The following LARP4B variants were observed in gnomAD, a reference collection of about 807,000 sequenced individuals.
LARP4B encodes the protein La ribonucleoprotein 4B.
In LARP4B, 12 loss-of-function variants were observed where a neutral mutation model predicts 89.8. The ratio of observed to expected loss-of-function variants is 0.13; its 90% CI spans 0.09 to 0.22. LARP4B has a LOEUF of 0.22. Among genes scored for constraint, LARP4B ranks in the 10% least tolerant of loss-of-function variants. The pLI is 1.00. For missense variants in LARP4B, 757 were observed against 947.7 expected, an observed-to-expected ratio of 0.80 and a Z score of 2.64; for synonymous variants, 367 against 363.3, an observed-to-expected ratio of 1.01 and a Z score of -0.12.
At chr10:891,519 T>C (rs1836018607) in intron 1 of LARP4B, among the ~76,000 whole-genome samples, 2 of 152,220 alleles carry the variant, frequency 1.3e-5, no homozygotes, top group Non-Finnish European at 2.9e-5. Context: ...GGGAAAATAA[T>C]ACAATGTGTG....
intron 8 of LARP4B, among the ~76,000 whole-genome samples, chr10:835,575 T>C: frequency 6.6e-6 from 1 of 152,220 alleles, no homozygotes. Context: ...TCAGTGTGTT[T>C]ACTACACAAA....
chr10:813,107 C>A lies in LARP4B; in HGVS notation c.2036G>T (p.Cys679Phe), dbSNP rs149486902. ...QKEQKPNTVG[C>F]GKEEKKLAEP... ...TGCCAGCTTCTTTTCCTCCTTCCCA[C>A]AACCAACAGTGTTTGGCTTTTGTTC... Residue 679 changes from cysteine (C) to phenylalanine (F), a missense_variant, in exon 18 of 18, where the codon TGT (cysteine) becomes TTT (phenylalanine). By Grantham distance (205) the Cys-to-Phe change is radical (BLOSUM62 -2). Around this residue, in one of 5 missense-constraint regions of LARP4B, gnomAD observed 387 missense variants for 423.6 expected, o/e 0.91. Coordinates refer to ENST00000316157, the MANE Select transcript of LARP4B (RefSeq NM_015155.3). 3,488 of 1,614,186 alleles carry A rather than the reference C, an allele frequency of 2.2e-3. 10 individuals are homozygous for A. Among genetic ancestry groups the A allele is most frequent in the Non-Finnish European group, 2.6e-3 (3,069 of 1,180,022 alleles).
chr10:965,432 G>A, the LARP4B span, among the ~76,000 whole-genome samples: 10 of 152,114 alleles, frequency 6.6e-5, no homozygotes, highest in East Asian at 5.8e-4. Context: ...CACGGTGCCC[G>A]CTCCCCCCCG....
intron 1 of LARP4B, among the ~76,000 whole-genome samples, chr10:905,687 GCT>G (rs1836471275): frequency 6.7e-6 from 1 of 150,082 alleles, no homozygotes; most frequent in African/African-American, 2.4e-5. Flanking sequence ...CAAGGGAGGA[GCT>G]GAGGAGCAAG....
chr10:892,540 GTTAA>G (rs1239754007), intron 1 of LARP4B, among the ~76,000 whole-genome samples: 1 of 151,804 alleles, frequency 6.6e-6, no homozygotes, highest in Non-Finnish European at 1.5e-5. Context: ...AAAAATTATC[GTTAA>G]TTTTTTTTTT....
At chr10:919,083 A>G (rs949427231) in intron 1 of LARP4B, among the ~76,000 whole-genome samples, 4 of 152,198 alleles carry the variant, frequency 2.6e-5, no homozygotes, top group Admixed American at 2.6e-4. Flanking sequence ...TCCGTCTCAA[A>G]AAAAAGATAA....
rs137978411 is a variant in LARP4B, at chr10:813,094, T to C, written c.2049A>G (p.Glu683=). ...KPNTVGCGKE[E]KKLAEPAERY... ...TCTCTGCGGGCTCTGCCAGCTTCTTTTCCTCCTTCCCACAACCAACAGTGT... is the reference window on the plus strand; with the variant it reads ...TCTCTGCGGGCTCTGCCAGCTTCTTCTCCTCCTTCCCACAACCAACAGTGT... The change falls in exon 18 of 18, where the codon GAA becomes GAG. Residue 683 remains glutamate (E), a synonymous_variant. Coordinates refer to ENST00000316157, the MANE Select transcript of LARP4B (RefSeq NM_015155.3). The C allele has an allele frequency of 6.2e-7, 1 of 1,614,198 alleles. No individual in the cohort carries two copies. The highest frequency in any genetic ancestry group is 8.5e-7 in the Non-Finnish European group (1 of 1,180,032).
Position 825,309 on chromosome 10 carries a change from T to C in LARP4B, c.1240A>G (p.Ser414Gly). Residue 414 changes from serine to glycine, a missense_variant, in exon 13 of 18, where the codon AGT (serine) becomes GGT (glycine). Ser to Gly is a moderately conservative substitution (Grantham distance 56, BLOSUM62 0). Transcript: ENST00000316157. The part of the protein sequence containing the change: ...RQYPPRSRNP[S>G]KSHLRHAIPS... ...ATCGCATGCCGCAGATGAGATTTAC[T>C]AGGATTCCTGTAAATAAAAATGGTT... 6.2e-7 allele frequency: 1 copy of C among 1,613,294 alleles called. No homozygotes were observed. Among genetic ancestry groups the C allele is most frequent in the African/African-American group, 1.3e-5 (1 of 75,026 alleles).
chr10:817,633 C>T (rs1832131003), intron 15 of LARP4B, 92 bp downstream of exon 15: 1 of 1,260,090 alleles, frequency 7.9e-7, no homozygotes, highest in East Asian at 2.4e-5. Context: ...GTATTAAAAA[C>T]AAACATGTAT....
At chr10:905,042 CTG>C (rs1836450991) in intron 1 of LARP4B, among the ~76,000 whole-genome samples, 1 of 152,196 alleles carries the variant, frequency 6.6e-6, no homozygotes. Context: ...CAAAACAATT[CTG>C]TGTTTAGACT....
chr10:876,546 C>G (rs1242355533), intron 3 of LARP4B, among the ~76,000 whole-genome samples: 2 of 152,196 alleles, frequency 1.3e-5, no homozygotes, highest in Non-Finnish European at 2.9e-5. Context: ...CCTCTGGGCA[C>G]AGTGGAACAG....
intron 1 of LARP4B, among the ~76,000 whole-genome samples, chr10:908,904 C>G (rs1195176054): frequency 6.6e-6 from 1 of 152,200 alleles, no homozygotes; most frequent in East Asian, 1.9e-4. Context: ...CGACCCACCT[C>G]TCCTCCTTTG....
intron 1 of LARP4B, among the ~76,000 whole-genome samples, chr10:914,809 C>G (rs1262477119): frequency 6.7e-6 from 1 of 150,314 alleles, no homozygotes; most frequent in Non-Finnish European, 1.5e-5. Context: ...CCCCACCCGC[C>G]CCCACCGCCC....
intron 13 of LARP4B, among the ~76,000 whole-genome samples, chr10:823,701 G>A (rs1357531661): frequency 6.6e-6 from 1 of 151,764 alleles, no homozygotes. Context: ...CCAAGTCTGA[G>A]CCCCAGCTCT....
the LARP4B span, among the ~76,000 whole-genome samples, chr10:966,074 GTGTGTGTGTGTA>G: frequency 3.3e-5 from 4 of 121,232 alleles, no homozygotes; most frequent in South Asian, 3.1e-4. Context: ...GTGTGTGTGT[GTGTGTGTGTGTA>G]TGAGATTTTA....
At chr10:984,358 T>C in the LARP4B span, among the ~76,000 whole-genome samples, 1 of 152,236 alleles carries the variant, frequency 6.6e-6, no homozygotes, top group South Asian at 2.1e-4. Context: ...AATACGTGTA[T>C]GATTATTATC....
intron 1 of LARP4B, among the ~76,000 whole-genome samples, chr10:894,245 G>A (rs1028249202): frequency 4.6e-5 from 7 of 152,052 alleles, no homozygotes; most frequent in Admixed American, 1.3e-4. Flanking sequence ...CAAAGTAGTC[G>A]TGCCAAAAAA....
chr10:941,241 C>G, the LARP4B span, among the ~76,000 whole-genome samples: 3 of 152,184 alleles, frequency 2.0e-5, no homozygotes, highest in Non-Finnish European at 4.4e-5. Flanking sequence ...CATGGAAGTC[C>G]TTCTCCAACC....
chr10:956,064 G>A, the LARP4B span, among the ~76,000 whole-genome samples: 1 of 151,838 alleles, frequency 6.6e-6, no homozygotes, highest in Non-Finnish European at 1.5e-5. This position sits in a 1 kb window ranked among gnomAD's most constrained non-coding sequence, Gnocchi z 4.3. Context: ...AGGACAGGAG[G>A]CTCCTGCCAG....
Sources: gnomAD v4.1 joint callset for allele counts (sites outside exome capture counted in the v4.1 genomes callset) on GRCh38, gnomAD v4.1.1 for gene constraint, gnomAD v4.1.1 regional missense constraint, Gnocchi (gnomAD v3.1) non-coding constraint, MANE v1.5 for transcripts, NCBI Gene and HGNC (gene_info 2026-07-23, HGNC 2026-07-21) for gene names.